Variants in CUX2 observed in about 807,000 individuals in gnomAD.
CUX2 encodes cut like homeobox 2, also known as homeobox protein cut-like 2.
Under a neutral mutation model 144.8 loss-of-function variants are expected in CUX2, and 40 were observed. The ratio of observed to expected loss-of-function variants is 0.28; its 90% CI spans 0.21 to 0.36. The LOEUF is 0.36. CUX2 is among the 10% of genes least tolerant of loss of function. The pLI is 1.00. For synonymous variants in CUX2, 827 were observed against 875.6 expected (o/e 0.94, Z 0.98); for missense variants, 1,615 against 1,994.0 (o/e 0.81, Z 3.62).
rs1023226862 is a variant in CUX2, at chr12:111,277,223, C to T, written c.301+13384C>T. Among the ~76,000 whole-genome samples the T allele has an allele frequency of 3.9e-5, 6 of 152,236 alleles. No homozygotes were observed. The highest frequency in any genetic ancestry group is 1.2e-4 in the African/African-American group (5 of 41,542). On this transcript the variant is annotated intron_variant, in intron 4 of 21. Transcript: ENST00000261726. The surrounding 1 kb of genome is among the most constrained non-coding windows in gnomAD (Gnocchi z 5.0). ...GCTGCCACCCTCGGCCATAGCACCC[C>T]GCCCTCCCAGCCTGCGCAGGGAGGG...
At chr12:111,210,053 G>T (rs1243006010) in intron 1 of CUX2, among the ~76,000 whole-genome samples, 3 of 152,304 alleles carry the variant, frequency 2.0e-5, no homozygotes, top group African/African-American at 7.2e-5. Flanking sequence ...GGGCTGGGGG[G>T]CTGGTGGGGC....
chr12:111,281,430 T>TC (rs1482069093), intron 4 of CUX2, among the ~76,000 whole-genome samples: 1 of 151,858 alleles, frequency 6.6e-6, no homozygotes, highest in African/African-American at 2.4e-5. Flanking sequence ...TGAGTCGAGA[T>TC]CCCCCCAGGG....
At chr12:111,162,292 C>T (rs1397151743) in intron 1 of CUX2, among the ~76,000 whole-genome samples, 1 of 152,250 alleles carries the variant, frequency 6.6e-6, no homozygotes. Context: ...ATTCCAGTGA[C>T]TGCCACGGGT....
At chr12:111,224,521 T>A (rs2136236435) in intron 3 of CUX2, among the ~76,000 whole-genome samples, 1 of 150,314 alleles carries the variant, frequency 6.7e-6, no homozygotes, top group Non-Finnish European at 1.5e-5. Context: ...CAGGGCTTTT[T>A]TTTTTTTTTT....
intron 1 of CUX2, among the ~76,000 whole-genome samples, chr12:111,091,794 GC>G (rs1406067959): frequency 6.6e-6 from 1 of 152,148 alleles, no homozygotes; most frequent in Non-Finnish European, 1.5e-5. Flanking sequence ...GTGGCTGCCG[GC>G]CCTGCCTGGT....
At chr12:111,106,111 C>G (rs956565825) in intron 1 of CUX2, among the ~76,000 whole-genome samples, 2 of 151,578 alleles carry the variant, frequency 1.3e-5, no homozygotes, top group Admixed American at 6.6e-5. Flanking sequence ...GCGATCCCCC[C>G]ACCTCAGCCT....
intron 1 of CUX2, among the ~76,000 whole-genome samples, chr12:111,078,202 G>A (rs949322214): frequency 2.0e-5 from 3 of 152,176 alleles, no homozygotes; most frequent in African/African-American, 7.2e-5. Flanking sequence ...CTAGGCATCG[G>A]GGATGAGCCG....
In CUX2 at chr12:111,252,295, A is replaced by G. The variant is rs536163469; in HGVS notation, c.223-11466A>G. ...GCCCATAGCCCAGCACCTTCACTTT[A>G]CAGATGGGGAAACTGAGGCTCTGAA... On this transcript the variant is annotated intron_variant, in intron 3 of 21. Coordinates refer to ENST00000261726, the MANE Select transcript of CUX2 (RefSeq NM_015267.4). 9.2e-5 allele frequency among the ~76,000 whole-genome samples: 14 copies of G among 152,358 alleles called. 1 individual carries two copies. The highest frequency in any genetic ancestry group is 1.8e-4 in the Non-Finnish European group (12 of 68,036).
At chr12:111,308,400 C>G (rs1396952782) in intron 13 of CUX2, 27 bp from the exon 14 acceptor site, 1 of 1,613,818 alleles carries the variant, frequency 6.2e-7, no homozygotes, top group African/African-American at 1.3e-5. Flanking sequence ...CACCAGGTGC[C>G]CTCTCAACCT....
chr12:111,162,742 AG>A (rs1291034963), intron 1 of CUX2, among the ~76,000 whole-genome samples: 1 of 152,222 alleles, frequency 6.6e-6, no homozygotes, highest in African/African-American at 2.4e-5. Flanking sequence ...AGAGAGACGA[AG>A]AGCATAGAAT....
At chr12:111,210,501 A>G (rs967787357) in intron 1 of CUX2, among the ~76,000 whole-genome samples, 2 of 152,166 alleles carry the variant, frequency 1.3e-5, no homozygotes, top group African/African-American at 4.8e-5. Context: ...CATAAGATTA[A>G]TATCAGCCAA....
intron 1 of CUX2, among the ~76,000 whole-genome samples, chr12:111,121,531 C>A (rs1180890234): frequency 6.6e-6 from 1 of 151,750 alleles, no homozygotes; most frequent in Non-Finnish European, 1.5e-5. Flanking sequence ...TTTGTGCCAC[C>A]ACACCCAGCT....
At chr12:111,166,696 C>T (rs1878163646) in intron 1 of CUX2, among the ~76,000 whole-genome samples, 1 of 152,212 alleles carries the variant, frequency 6.6e-6, no homozygotes, top group African/African-American at 2.4e-5. Context: ...TCTGCAGAGG[C>T]TAAACGTGGA....
At chr12:111,341,029 C>A (rs1244199882) in intron 20 of CUX2, among the ~76,000 whole-genome samples, 1 of 152,132 alleles carries the variant, frequency 6.6e-6, no homozygotes, top group Non-Finnish European at 1.5e-5. Context: ...TGCTGGCGAG[C>A]GTACCCTTTC....
intron 1 of CUX2, among the ~76,000 whole-genome samples, chr12:111,090,981 TCTC>T (rs1872522986): frequency 6.6e-6 from 1 of 152,152 alleles, no homozygotes; most frequent in Admixed American, 6.5e-5. Flanking sequence ...CCTGTGTGCT[TCTC>T]CTTGATCTTC....
rs1299035654 is a variant in CUX2 at position 111,160,075 on chromosome 12, A to AT, written c.64-54123dup. 6.6e-6 allele frequency among the ~76,000 whole-genome samples: 1 copy of AT among 152,178 alleles called. No homozygotes were observed. The highest frequency in any genetic ancestry group is 1.5e-5 in the Non-Finnish European group (1 of 68,026). ...AAAAAGCAAAAGGAGTTAGGGGATG[A>AT]TTCCTTCTTTCCTTCAATATTCATT... On this transcript the variant is annotated intron_variant, in intron 1 of 21. Coordinates refer to ENST00000261726, the MANE Select transcript of CUX2 (RefSeq NM_015267.4). The surrounding 1 kb of genome is among the most constrained non-coding windows in gnomAD (Gnocchi z 4.1).
At chr12:111,141,068 C>T (rs1056680474) in intron 1 of CUX2, among the ~76,000 whole-genome samples, 2 of 152,156 alleles carry the variant, frequency 1.3e-5, no homozygotes, top group African/African-American at 4.8e-5. Flanking sequence ...CAGAAATGCC[C>T]GCTGCCTTAG....
At chr12:111,180,066 G>A (rs1341697591) in intron 1 of CUX2, among the ~76,000 whole-genome samples, 1 of 152,082 alleles carries the variant, frequency 6.6e-6, no homozygotes, top group African/African-American at 2.4e-5. Flanking sequence ...TGCATCCCTG[G>A]CAGAATTCCA....
At chr12:111,165,145 G>T (rs773641843) in intron 1 of CUX2, among the ~76,000 whole-genome samples, 2 of 152,188 alleles carry the variant, frequency 1.3e-5, no homozygotes, top group Non-Finnish European at 2.9e-5. Flanking sequence ...CCTCTGTGTC[G>T]TAAGGGACTA....
Sources: allele counts gnomAD v4.1 joint callset (sites outside exome capture counted in the v4.1 genomes callset), GRCh38; gene constraint gnomAD v4.1.1; non-coding constraint Gnocchi (gnomAD v3.1); transcripts MANE v1.5; gene names NCBI Gene and HGNC (gene_info 2026-07-23, HGNC 2026-07-21).